Variants in MARCHF1 observed in about 807,000 individuals in gnomAD.
MARCHF1 encodes E3 ubiquitin-protein ligase MARCHF1.
MARCHF1 carries 40 observed loss-of-function variants against 54.2 expected under a neutral mutation model. The observed-to-expected ratio is 0.74, with a 90% CI of 0.57 to 0.96. MARCHF1 has a LOEUF of 0.96. MARCHF1 is among the 40% of genes least tolerant of loss of function. The probability of loss-of-function intolerance (pLI) is 0.00; values close to 1 mark genes in which losing one functional copy is unlikely to be tolerated. For synonymous variants in MARCHF1, 236 were observed against 236.3 expected (o/e 1.00, Z 0.01); for missense variants, 586 against 656.5 (o/e 0.89, Z 1.17).
chr4:164,199,762 G>A (rs1731403779), intron 1 of MARCHF1, among the ~76,000 whole-genome samples: 1 of 151,656 alleles, frequency 6.6e-6, no homozygotes, highest in Admixed American at 6.6e-5. Context: ...AATTTCTAAG[G>A]TGTAGATATG....
intron 5 of MARCHF1, among the ~76,000 whole-genome samples, chr4:163,617,617 C>T (rs1741556402): frequency 6.6e-6 from 1 of 152,000 alleles, no homozygotes; most frequent in Admixed American, 6.6e-5. Context: ...TTTTTTAAAA[C>T]ATAAGAATAT....
At chr4:163,839,309 T>C (rs1468206491) in intron 4 of MARCHF1, among the ~76,000 whole-genome samples, 3 of 152,120 alleles carry the variant, frequency 2.0e-5, no homozygotes, top group Non-Finnish European at 4.4e-5. Flanking sequence ...CATTTTTCAG[T>C]ACCTTAAATT....
intron 1 of MARCHF1, among the ~76,000 whole-genome samples, chr4:164,165,468 A>G (rs1360591960): frequency 2.0e-5 from 3 of 151,700 alleles, no homozygotes; most frequent in African/African-American, 7.3e-5. Flanking sequence ...CCTCAACACA[A>G]CCAAGCCGTG....
intron 2 of MARCHF1, among the ~76,000 whole-genome samples, chr4:164,074,207 C>A (rs1754927855): frequency 6.6e-6 from 1 of 152,176 alleles, no homozygotes; most frequent in African/African-American, 2.4e-5. Context: ...TCAGGGGATA[C>A]CTGAAGCCTT....
chr4:164,255,183 G>T (rs1221801495), intron 1 of MARCHF1, among the ~76,000 whole-genome samples: 1 of 152,064 alleles, frequency 6.6e-6, no homozygotes, highest in Non-Finnish European at 1.5e-5. Context: ...TGTAAATGTT[G>T]CCATCAGGGA....
chr4:163,589,848 T>C lies in MARCHF1; in HGVS notation c.1011-3919A>G, dbSNP rs1280106328. On this transcript the variant is annotated intron_variant, in intron 7 of 9. Transcript: ENST00000514618. Reference sequence around the variant, plus strand: ...TAAAATTATTGGTGATCCACATTGGTATCTGTCACCTAGTGACAGCTACAT... The same window carrying C: ...TAAAATTATTGGTGATCCACATTGGCATCTGTCACCTAGTGACAGCTACAT... 2.6e-5 allele frequency among the ~76,000 whole-genome samples: 4 copies of C among 152,214 alleles called. No individual in the cohort carries two copies. The East Asian group carries it at 7.7e-4, about 29-fold the overall frequency.
intron 2 of MARCHF1, among the ~76,000 whole-genome samples, chr4:164,109,370 T>G (rs1755780688): frequency 6.6e-6 from 1 of 151,192 alleles, no homozygotes; most frequent in African/African-American, 2.4e-5. Flanking sequence ...TCTCACAGCT[T>G]GAAAATCTAC....
intron 1 of MARCHF1, among the ~76,000 whole-genome samples, chr4:164,356,988 G>A (rs1038872328): frequency 1.3e-5 from 2 of 151,722 alleles, no homozygotes; most frequent in African/African-American, 4.8e-5. Flanking sequence ...GGAGGCAGGA[G>A]GGGATCAGGA....
intron 3 of MARCHF1, among the ~76,000 whole-genome samples, chr4:163,902,028 A>C (rs1560811630): frequency 6.6e-6 from 1 of 152,174 alleles, no homozygotes; most frequent in African/African-American, 2.4e-5. Context: ...TGAGGATCAA[A>C]CTCTGCTTAT....
intron 1 of MARCHF1, among the ~76,000 whole-genome samples, chr4:164,142,340 T>C (rs1424645095): frequency 6.6e-6 from 1 of 152,146 alleles, no homozygotes; most frequent in Non-Finnish European, 1.5e-5. Context: ...GAGGCCTGCC[T>C]GCCTCTGTAG....
chr4:164,066,140 T>C (rs918046977), intron 2 of MARCHF1, among the ~76,000 whole-genome samples: 1 of 151,770 alleles, frequency 6.6e-6, no homozygotes. Flanking sequence ...AACAAAGGTA[T>C]AATATCCAGC....
chr4:163,711,527 T>A (rs1408669278), intron 4 of MARCHF1, among the ~76,000 whole-genome samples: 1 of 152,118 alleles, frequency 6.6e-6, no homozygotes, highest in Non-Finnish European at 1.5e-5. Context: ...ATTACACCAA[T>A]GAGAATTAAT....
chr4:163,751,805 C>CGTGT (rs72029488), intron 4 of MARCHF1, among the ~76,000 whole-genome samples: 73 of 124,510 alleles, frequency 5.9e-4, no homozygotes, highest in African/African-American at 1.5e-3. Flanking sequence ...CACATGTGCA[C>CGTGT]GTGTGTGTGT....
chr4:164,142,318 C>A (rs975376333), intron 1 of MARCHF1, among the ~76,000 whole-genome samples: 23 of 152,160 alleles, frequency 1.5e-4, no homozygotes, highest in African/African-American at 5.5e-4. Flanking sequence ...GTGGAGCCCA[C>A]CACAGCTCAA....
At chr4:163,861,533 C>A (rs555275704) in intron 3 of MARCHF1, among the ~76,000 whole-genome samples, 8 of 152,034 alleles carry the variant, frequency 5.3e-5, no homozygotes, top group African/African-American at 1.7e-4. Flanking sequence ...AACAATTTTA[C>A]AGGATTTATA....
chr4:164,048,272 AAAC>A, intron 2 of MARCHF1, among the ~76,000 whole-genome samples: 1 of 152,160 alleles, frequency 6.6e-6, no homozygotes, highest in Non-Finnish European at 1.5e-5. Context: ...CTAGTTTAGA[AAAC>A]AAAGTGTAGC....
At chr4:163,900,545 T>C (rs1172801963) in intron 3 of MARCHF1, among the ~76,000 whole-genome samples, 9 of 152,294 alleles carry the variant, frequency 5.9e-5, no homozygotes. Flanking sequence ...GTGTTAAAGA[T>C]ATTTCTTCAA....
At chr4:163,627,680 G>GAA (rs35911517) in intron 5 of MARCHF1, among the ~76,000 whole-genome samples, 17 of 150,176 alleles carry the variant, frequency 1.1e-4, no homozygotes, top group East Asian at 5.8e-4. Flanking sequence ...TAGTCTATAG[G>GAA]AAAAAAAAAC....
chr4:163,875,349 T>C (rs12645283), intron 3 of MARCHF1, among the ~76,000 whole-genome samples: 90,249 of 151,970 alleles, frequency 0.59, 29,138 homozygotes, highest in South Asian at 0.76. Flanking sequence ...AGGTCATCGA[T>C]GTGAAAAGGC....
Sources: gnomAD v4.1 joint callset for allele counts (sites outside exome capture counted in the v4.1 genomes callset) on GRCh38, gnomAD v4.1.1 for gene constraint, MANE v1.5 for transcripts, NCBI Gene and HGNC (gene_info 2026-07-23, HGNC 2026-07-21) for gene names.